ATP7B: variants seen among roughly 807,000 people sequenced by gnomAD.
The protein encoded by ATP7B is copper-transporting ATPase 2.
ATP7B carries 113 observed loss-of-function variants against 118.9 expected under a neutral mutation model. The ratio of observed to expected loss-of-function variants is 0.95; its 90% CI spans 0.82 to 1.11. ATP7B has a LOEUF of 1.11. Ranked by LOEUF, ATP7B falls within the 50% of genes most tolerant of loss-of-function variation. The probability of loss-of-function intolerance (pLI) is 0.00; values close to 1 mark genes in which losing one functional copy is unlikely to be tolerated. For synonymous variants in ATP7B, 777 were observed against 727.4 expected (o/e 1.07, Z -1.10); for missense variants, 1,867 against 1,871.4 (o/e 1.00, Z 0.04).
chr13:51,949,529 CAAT>C, intron 12 of ATP7B, 130 bp downstream of exon 12: 1 of 1,357,058 alleles, frequency 7.4e-7, no homozygotes, highest in Non-Finnish European at 1.0e-6. Flanking sequence ...ATTTTGCTGT[CAAT>C]AAGAGAAGCA....
Position 51,980,412 on chromosome 13 carries a change from C to T in ATP7B, c.52-5244G>A, listed in dbSNP as rs142037231. 1.6e-3 allele frequency among the ~76,000 whole-genome samples: 241 copies of T among 152,280 alleles called. 1 individual carries two copies. Among genetic ancestry groups the T allele is most frequent in the Admixed American group, 3.7e-3 (57 of 15,304 alleles). ...CAGAAGGGAGTCCAAAAGTGAATTT[C>T]AATTCTCTGCTACCTCTCTAGGTAC... On this transcript the variant is annotated intron_variant, in intron 1 of 20. Coordinates refer to ENST00000242839, the MANE Select transcript of ATP7B (RefSeq NM_000053.4).
At position 51,986,727 on chromosome 13, in the gene ATP7B, C is replaced by T. The variant is rs142957060; in HGVS notation, c.52-11559G>A. Among the ~76,000 whole-genome samples the T allele has an allele frequency of 8.9e-3, 1,350 of 152,230 alleles. 25 individuals are homozygous for T. Among genetic ancestry groups the T allele is most frequent in the African/African-American group, 0.031 (1,301 of 41,548 alleles). ...AAAAGCTTATCCACCATGATCAAGT[C>T]GGCTTCATCCCTAGGATGCAGCAAG... is the stretch of plus-strand genomic sequence containing the variant. On this transcript the variant is annotated intron_variant, in intron 1 of 20. Coordinates refer to ENST00000242839, the MANE Select transcript of ATP7B (RefSeq NM_000053.4).
In ATP7B at chr13:51,957,515, C is replaced by A. The variant is rs1958431105; in HGVS notation, c.2447+1G>T. Reference sequence around the variant, plus strand: ...AAAGACATTTGATAACCATAACTCACCTGATGATTAAATTGTCCTCACCAA... The same window carrying A: ...AAAGACATTTGATAACCATAACTCAACTGATGATTAAATTGTCCTCACCAA... On this transcript the variant is annotated splice_donor_variant, in intron 9 of 20. Coordinates refer to ENST00000242839, the MANE Select transcript of ATP7B (RefSeq NM_000053.4). LOFTEE classifies it high-confidence loss of function. 3.1e-6 allele frequency: 5 copies of A among 1,613,032 alleles called. No individual in the cohort carries two copies. The highest frequency in any genetic ancestry group is 4.2e-6 in the Non-Finnish European group (5 of 1,178,978).
At chr13:51,982,034 C>G (rs1487906748) in intron 1 of ATP7B, among the ~76,000 whole-genome samples, 1 of 140,768 alleles carries the variant, frequency 7.1e-6, no homozygotes, top group Non-Finnish European at 1.5e-5. Flanking sequence ...AGCTCATCAT[C>G]TATTATTAGT....
At chr13:52,007,747 A>C (rs544149463) in intron 1 of ATP7B, among the ~76,000 whole-genome samples, 1 of 152,318 alleles carries the variant, frequency 6.6e-6, no homozygotes, top group African/African-American at 2.4e-5. Context: ...CTCCTGACCA[A>C]CTGTAAAGTC....
At chr13:52,001,986 A>G (rs1307885768) in intron 1 of ATP7B, among the ~76,000 whole-genome samples, 1 of 152,016 alleles carries the variant, frequency 6.6e-6, no homozygotes, top group Non-Finnish European at 1.5e-5. Flanking sequence ...TAGTAGAGAC[A>G]GGGGTTTCAC....
At chr13:51,984,966 C>T (rs762202146) in intron 1 of ATP7B, among the ~76,000 whole-genome samples, 12 of 152,108 alleles carry the variant, frequency 7.9e-5, no homozygotes, top group Non-Finnish European at 1.0e-4. Context: ...CAAAAACATA[C>T]CAAATTGTAA....
chr13:51,936,461 G>T (rs539026295), intron 19 of ATP7B, among the ~76,000 whole-genome samples: 12 of 151,710 alleles, frequency 7.9e-5, no homozygotes, highest in Admixed American at 7.9e-4. Context: ...AGCAGGGGGC[G>T]GGGGAGAGAT....
At chr13:52,011,243 G>A in intron 1 of ATP7B, 44 bp downstream of exon 1, 1 of 1,614,052 alleles carries the variant, frequency 6.2e-7, no homozygotes, top group South Asian at 1.1e-5. Context: ...AATCCTCCTG[G>A]TGGGAGTGAG....
intron 1 of ATP7B, among the ~76,000 whole-genome samples, chr13:52,006,626 CT>C (rs1336485808): frequency 6.6e-6 from 1 of 152,228 alleles, no homozygotes; most frequent in East Asian, 1.9e-4. Context: ...GCAGGAGTGA[CT>C]TACGCTGTTT....
chr13:51,972,529 T>C (rs1208921098), intron 2 of ATP7B, among the ~76,000 whole-genome samples: 1 of 152,062 alleles, frequency 6.6e-6, no homozygotes, highest in Admixed American at 6.6e-5. Flanking sequence ...GCCCTCCCCA[T>C]CACACACCCC....
chr13:51,968,043 G>C (rs1951651663), intron 4 of ATP7B, among the ~76,000 whole-genome samples: 1 of 152,092 alleles, frequency 6.6e-6, no homozygotes, highest in Non-Finnish European at 1.5e-5. Flanking sequence ...CTACCACATG[G>C]ACTTCCCTCT....
At chr13:51,949,586 G>C in intron 12 of ATP7B, 76 bp downstream of exon 12, 1 of 1,572,996 alleles carries the variant, frequency 6.4e-7, no homozygotes, top group East Asian at 2.2e-5. Flanking sequence ...GTGAATCTAA[G>C]ATATGAAAGA....
rs537186605 is a variant in ATP7B, at chr13:51,986,267, T to C, written c.52-11099A>G. 7.9e-4 allele frequency among the ~76,000 whole-genome samples: 120 copies of C among 152,226 alleles called. 1 individual carries two copies. Among genetic ancestry groups the C allele is most frequent in the Admixed American group, 4.7e-3 (72 of 15,290 alleles). Reference sequence around the variant, plus strand: ...GATCCCACAGAAATACAAACTACCATCAGAGAATACTACAAACACCTCTAA... The same window carrying C: ...GATCCCACAGAAATACAAACTACCACCAGAGAATACTACAAACACCTCTAA... On this transcript the variant is annotated intron_variant, in intron 1 of 20. Coordinates refer to ENST00000242839, the MANE Select transcript of ATP7B (RefSeq NM_000053.4).
At chr13:51,988,826 T>C (rs1042309954) in intron 1 of ATP7B, among the ~76,000 whole-genome samples, 3 of 149,028 alleles carry the variant, frequency 2.0e-5, no homozygotes, top group African/African-American at 7.5e-5. Flanking sequence ...AAACAGTGCA[T>C]GTTCTCACTC....
chr13:52,007,325 A>G (rs1953821160), intron 1 of ATP7B, among the ~76,000 whole-genome samples: 1 of 152,172 alleles, frequency 6.6e-6, no homozygotes, highest in Non-Finnish European at 1.5e-5. Flanking sequence ...GCTAGGACTC[A>G]ATCCTAGATC....
At chr13:51,972,257 A>G (rs1229361852) in intron 2 of ATP7B, among the ~76,000 whole-genome samples, 1 of 152,122 alleles carries the variant, frequency 6.6e-6, no homozygotes, top group Non-Finnish European at 1.5e-5. Flanking sequence ...CGAGGCCTCC[A>G]ATGGCCTCCC....
rs1957025823 is a variant in ATP7B, at chr13:51,937,286, G to A, written c.4011C>T (p.Pro1337=). The change falls in exon 19 of 21, where the codon CCC becomes CCT. Residue 1337 remains proline, a synonymous_variant. Coordinates refer to ENST00000242839, the MANE Select transcript of ATP7B (RefSeq NM_000053.4). ...LALIYNLVGI[P]IAAGVFMPIG... ...GTAAGAGCTGCCTACCTGCTGCAAT[G>A]GGTATCCCAACCAGGTTATAAATCA... is the stretch of plus-strand genomic sequence containing the variant. 1 of 1,614,004 alleles carries A rather than the reference G, an allele frequency of 6.2e-7. No individual in the cohort carries two copies. The highest frequency in any genetic ancestry group is 8.5e-7 in the Non-Finnish European group (1 of 1,179,860).
At chr13:51,947,584 C>T (rs977569356) in intron 12 of ATP7B, among the ~76,000 whole-genome samples, 12 of 152,302 alleles carry the variant, frequency 7.9e-5, no homozygotes, top group Non-Finnish European at 1.6e-4. Context: ...TATTATTTCA[C>T]TCTGAAAGGC....
Sources: allele counts gnomAD v4.1 joint callset (sites outside exome capture counted in the v4.1 genomes callset), GRCh38; gene constraint gnomAD v4.1.1; transcripts MANE v1.5; gene names NCBI Gene and HGNC (gene_info 2026-07-23, HGNC 2026-07-21).